The following GMNC variants were observed in gnomAD, a reference collection of about 807,000 sequenced individuals.
GMNC encodes the protein geminin coiled-coil domain containing.
Under a neutral mutation model 33.6 loss-of-function variants are expected in GMNC, and 16 were observed. The observed-to-expected ratio is 0.48, with a 90% CI of 0.32 to 0.72. GMNC has a LOEUF of 0.72. Ranked by LOEUF, GMNC falls within the 30% of genes least tolerant of loss-of-function variation. The pLI, the probability that GMNC is intolerant of heterozygous loss-of-function variation, is 0.03. For synonymous variants in GMNC, 156 were observed against 147.3 expected, an observed-to-expected ratio of 1.06 and a Z score of -0.43; for missense variants, 393 against 388.9, an observed-to-expected ratio of 1.01 and a Z score of -0.09.
the GMNC span, among the ~76,000 whole-genome samples, chr3:190,844,445 A>C: frequency 6.6e-6 from 1 of 151,380 alleles, no homozygotes; most frequent in Non-Finnish European, 1.5e-5. Context: ...AATTTAATAC[A>C]TATTTAATAA....
intron 4 of GMNC, 106 bp from the exon 5 acceptor site, chr3:190,856,021 T>C (rs1178483921): frequency 1.9e-5 from 15 of 790,048 alleles, no homozygotes; most frequent in Non-Finnish European, 1.9e-6. Flanking sequence ...GTAAGATGGA[T>C]TGGATTAGCT....
At chr3:190,843,905 A>G in the GMNC span, among the ~76,000 whole-genome samples, 1 of 152,212 alleles carries the variant, frequency 6.6e-6, no homozygotes, top group Non-Finnish European at 1.5e-5. Context: ...AATAAATAAA[A>G]GTCTCAGAAT....
rs1737677796 is a variant in GMNC, at chr3:190,853,887, C to T, written c.*1408G>A. ...CTTGATAGCAATATTTATATGCAATCTATCCGCACTTATTTAAAAATTAAT... is the reference window on the plus strand; with the variant it reads ...CTTGATAGCAATATTTATATGCAATTTATCCGCACTTATTTAAAAATTAAT... On this transcript the variant is annotated 3_prime_UTR_variant, in exon 5 of 5. Transcript: ENST00000442080. 6.6e-6 allele frequency: 1 copy of T among 152,070 alleles called. No homozygotes were observed. Among genetic ancestry groups the T allele is most frequent in the African/African-American group, 2.4e-5 (1 of 41,410 alleles). 9.4% of individuals were successfully genotyped at this position (152,070 alleles called of 1,614,324 possible). A position where few individuals can be genotyped will look rare whatever the true frequency, so the allele number is the denominator to read the frequency against.
chr3:190,858,763 C>A (rs1737800417), intron 3 of GMNC, among the ~76,000 whole-genome samples, 165 bp downstream of exon 3: 1 of 152,130 alleles, frequency 6.6e-6, no homozygotes, highest in Non-Finnish European at 1.5e-5. Flanking sequence ...TTTTTCTTTT[C>A]TCTGACATTG....
In GMNC at chr3:190,853,433, C is replaced by T. The variant is rs548579947; in HGVS notation, c.*1862G>A. The T allele has an allele frequency of 1.3e-5, 2 of 152,104 alleles. No individual in the cohort carries two copies. Among genetic ancestry groups the T allele is most frequent in the Admixed American group, 1.3e-4 (2 of 15,260 alleles). The allele number at this position is 152,104 out of a possible 1,614,324, so 9.4% of individuals were successfully genotyped here. ...TTTTTAGAAAATGGAATGTGTTCTA[C>T]TTCTTAAAGTACTCCAGAGAGTAAT... is the stretch of plus-strand genomic sequence containing the variant. On this transcript the variant is annotated 3_prime_UTR_variant, in exon 5 of 5. Coordinates refer to ENST00000442080, the MANE Select transcript of GMNC (RefSeq NM_001146686.3).
At chr3:190,845,514 T>TTTTTC in the GMNC span, among the ~76,000 whole-genome samples, 1,080 of 146,952 alleles carry the variant, frequency 7.3e-3, 26 homozygotes, top group African/African-American at 0.027. Context: ...AAACCTTTTT[T>TTTTTC]TTTTTTTTTT....
rs553698264 is a variant in GMNC, at chr3:190,855,401, C to T, written c.899G>A (p.Ser300Asn). 1.9e-6 allele frequency: 3 copies of T among 1,551,990 alleles called. No homozygotes were observed. The highest frequency in any genetic ancestry group is 2.4e-5 in the East Asian group (1 of 40,918). Reference sequence around the variant, plus strand: ...ATGAGTTTTCACATTACAATGAGGGCTCAGGGATGTGGAAAATGCCATCTC... The same window carrying T: ...ATGAGTTTTCACATTACAATGAGGGTTCAGGGATGTGGAAAATGCCATCTC... ...KTEMAFSTSL[S>N]PHCNVKTHSF... Residue 300 changes from serine (S) to asparagine (N), a missense_variant, in exon 5 of 5, where the codon AGC (serine) becomes AAC (asparagine). Transcript: ENST00000442080.
Position 190,855,635 on chromosome 3 carries a change from G to A in GMNC, c.665C>T (p.Thr222Ile), listed in dbSNP as rs769842352. Residue 222 changes from threonine to isoleucine, a missense_variant, in exon 5 of 5, where the codon ACA (threonine) becomes ATA (isoleucine). Thr to Ile is a moderately conservative substitution (Grantham distance 89). Coordinates refer to ENST00000442080, the MANE Select transcript of GMNC (RefSeq NM_001146686.3). ...LASHPRRVAS[T>I]FSQFPDDAVD... Reference sequence around the variant, plus strand: ...TGCATCATCCGGAAACTGGGAAAATGTGCTGGCGACTCTTCTGGGATGAGA... The same window carrying A: ...TGCATCATCCGGAAACTGGGAAAATATGCTGGCGACTCTTCTGGGATGAGA... 2.6e-6 allele frequency: 4 copies of A among 1,551,470 alleles called. No individual in the cohort carries two copies. Among genetic ancestry groups the A allele is most frequent in the African/African-American group, 2.7e-5 (2 of 73,036 alleles).
At chr3:190,859,671 C>T (rs1041425337) in intron 2 of GMNC, 2 of 287,498 alleles carry the variant, frequency 7.0e-6, no homozygotes, top group African/African-American at 2.2e-5. Context: ...AATGTTTTTT[C>T]AAAGTGCCTT....
the GMNC span, among the ~76,000 whole-genome samples, chr3:190,846,086 A>G: frequency 2.0e-5 from 3 of 152,014 alleles, no homozygotes; most frequent in Non-Finnish European, 4.4e-5. Context: ...AAATTTAGCC[A>G]GGTGTGATGG....
intron 4 of GMNC, among the ~76,000 whole-genome samples, chr3:190,857,226 G>T (rs1737765493): frequency 6.6e-6 from 1 of 151,224 alleles, no homozygotes; most frequent in African/African-American, 2.4e-5. Flanking sequence ...TAAAAGTGGA[G>T]AAAAAATGTG....
At chr3:190,848,950 A>C (rs1018130), downstream of GMNC, among the ~76,000 whole-genome samples, 32,004 of 152,080 alleles carry the variant, frequency 0.21, 3,618 homozygotes, top group South Asian at 0.41. Context: ...GACATAAATA[A>C]ATTCTAATAA....
rs1468211777 is a variant in GMNC at position 190,856,020 on chromosome 3, A to G, written c.385-105T>C. 4.8e-6 allele frequency: 4 copies of G among 826,504 alleles called. No individual in the cohort carries two copies. The African/African-American group carries it at 6.9e-5, about 14-fold the overall frequency. 51.2% of individuals were successfully genotyped at this position (826,504 alleles called of 1,614,324 possible). ...ATTTCTCTTCACACAAGTAAGATGG[A>G]TTGGATTAGCTTGTTTGTAAAGTAA... On this transcript the variant is annotated intron_variant, in intron 4 of 4. Coordinates refer to ENST00000442080, the MANE Select transcript of GMNC (RefSeq NM_001146686.3).
rs1008382607 is a variant in GMNC at position 190,862,414 on chromosome 3, G to A, written c.3+199C>T. The stretch of plus-strand genomic sequence containing the variant: ...AGGAGAGAAAGAAGAGGGAGAGAGG[G>A]AGAGAAAGAGAGAGAGAGAGAGAGA... On this transcript the variant is annotated intron_variant, in intron 1 of 4. Transcript: ENST00000442080. This position sits in a 1 kb window ranked among gnomAD's most constrained non-coding sequence, Gnocchi z 4.5. Among the ~76,000 whole-genome samples the A allele has an allele frequency of 1.4e-5, 2 of 144,414 alleles. No individual in the cohort carries two copies. Among genetic ancestry groups the A allele is most frequent in the Non-Finnish European group, 3.0e-5 (2 of 66,782 alleles). The allele number at this position is 144,414 out of a possible 152,430, so 94.7% of individuals were successfully genotyped here.
the GMNC span, among the ~76,000 whole-genome samples, chr3:190,845,090 G>GA: frequency 1.3e-5 from 2 of 152,062 alleles, no homozygotes; most frequent in African/African-American, 4.8e-5. Flanking sequence ...AGAGAGCTTA[G>GA]AAAAAATTAG....
In GMNC at chr3:190,853,471, A is replaced by G. The variant is rs1355357131; in HGVS notation, c.*1824T>C. The G allele has an allele frequency of 4.6e-5, 7 of 152,274 alleles. No individual in the cohort carries two copies. The highest frequency in any genetic ancestry group is 8.8e-5 in the Non-Finnish European group (6 of 67,998). The allele number at this position is 152,274 out of a possible 1,614,324, so 9.4% of individuals were successfully genotyped here. Reference sequence around the variant, plus strand: ...TCCAGAGAGTAATATTAATTACTATATTGGATTTTCTTCATAAATTATTTT... The same window carrying G: ...TCCAGAGAGTAATATTAATTACTATGTTGGATTTTCTTCATAAATTATTTT... On this transcript the variant is annotated 3_prime_UTR_variant, in exon 5 of 5. Coordinates refer to ENST00000442080, the MANE Select transcript of GMNC (RefSeq NM_001146686.3).
downstream of GMNC, among the ~76,000 whole-genome samples, chr3:190,850,385 A>G (rs773874968): frequency 5.9e-5 from 9 of 152,228 alleles, no homozygotes; most frequent in African/African-American, 1.9e-4. Flanking sequence ...AGCCTAAAAC[A>G]GCCCGGAGGC....
At chr3:190,843,301 A>G in the GMNC span, among the ~76,000 whole-genome samples, 1 of 151,884 alleles carries the variant, frequency 6.6e-6, no homozygotes, top group Admixed American at 6.6e-5. Flanking sequence ...ATACAATGGA[A>G]AAAAATGTTA....
downstream of GMNC, among the ~76,000 whole-genome samples, chr3:190,851,204 C>T (rs1241796781): frequency 6.6e-6 from 1 of 152,188 alleles, no homozygotes; most frequent in Non-Finnish European, 1.5e-5. Context: ...CATAATTCCT[C>T]ATGGTATAAC....
Sources: allele counts gnomAD v4.1 joint callset (sites outside exome capture counted in the v4.1 genomes callset), GRCh38; gene constraint gnomAD v4.1.1; non-coding constraint Gnocchi (gnomAD v3.1); transcripts MANE v1.5; gene names NCBI Gene and HGNC (gene_info 2026-07-23, HGNC 2026-07-21).